Variants in NKAIN2 observed in about 807,000 individuals in gnomAD.
The protein encoded by NKAIN2 is sodium/potassium transporting ATPase interacting 2.
In NKAIN2, 14 loss-of-function variants were observed where a neutral mutation model predicts 32.6. The ratio of observed to expected loss-of-function variants is 0.43; its 90% CI spans 0.28 to 0.67. The LOEUF (loss-of-function observed/expected upper bound fraction) is 0.67. Ranked by LOEUF, NKAIN2 falls within the 30% of genes least tolerant of loss-of-function variation. The pLI is 0.17. For missense variants in NKAIN2, 198 were observed against 258.3 expected, an observed-to-expected ratio of 0.77 and a Z score of 1.60; for synonymous variants, 80 against 87.2, an observed-to-expected ratio of 0.92 and a Z score of 0.46.
chr6:123,872,953 A>G (rs547432614), intron 1 of NKAIN2, among the ~76,000 whole-genome samples: 10 of 152,302 alleles, frequency 6.6e-5, no homozygotes, highest in African/African-American at 2.2e-4. Flanking sequence ...AGAACACCCT[A>G]TTAAATTTTT....
chr6:124,374,658 T>C (rs1427441481), intron 3 of NKAIN2, among the ~76,000 whole-genome samples: 1 of 152,178 alleles, frequency 6.6e-6, no homozygotes, highest in South Asian at 2.1e-4. Flanking sequence ...ATGTTATCAG[T>C]AATTAAAATG....
At chr6:123,812,820 C>T (rs1773532645) in intron 1 of NKAIN2, among the ~76,000 whole-genome samples, 1 of 152,196 alleles carries the variant, frequency 6.6e-6, no homozygotes, top group Admixed American at 6.5e-5. Context: ...TTAAAACCCC[C>T]AACAATGTTG....
chr6:124,583,013 A>G (rs1321806384), intron 3 of NKAIN2, among the ~76,000 whole-genome samples: 1 of 152,180 alleles, frequency 6.6e-6, no homozygotes, highest in Non-Finnish European at 1.5e-5. Flanking sequence ...AGCTAGTATC[A>G]TACTGAATGG....
intron 1 of NKAIN2, among the ~76,000 whole-genome samples, chr6:123,890,876 A>G (rs539512592): frequency 3.9e-5 from 6 of 152,314 alleles, no homozygotes; most frequent in African/African-American, 9.6e-5. Context: ...ACAAATACCT[A>G]TATACCAATG....
intron 4 of NKAIN2, among the ~76,000 whole-genome samples, chr6:124,687,279 G>GAGAGAATATATATATTCTATATAT (rs1562324416): frequency 1.1e-4 from 15 of 135,530 alleles, no homozygotes; most frequent in Admixed American, 2.9e-4. Flanking sequence ...TATATATAGA[G>GAGAGAATATATATATTCTATATAT]AGAGAATATA....
chr6:124,241,731 A>G (rs933822314), intron 1 of NKAIN2, among the ~76,000 whole-genome samples: 2 of 152,170 alleles, frequency 1.3e-5, no homozygotes, highest in African/African-American at 2.4e-5. Context: ...TATAATTGAG[A>G]AAAGCTTTCT....
intron 3 of NKAIN2, among the ~76,000 whole-genome samples, chr6:124,622,794 T>C (rs1248434325): frequency 1.3e-5 from 2 of 152,124 alleles, no homozygotes; most frequent in African/African-American, 4.8e-5. Flanking sequence ...CTATCAGCAT[T>C]CAGATGTTTC....
At chr6:124,541,363 T>G (rs990861065) in intron 3 of NKAIN2, among the ~76,000 whole-genome samples, 1 of 152,120 alleles carries the variant, frequency 6.6e-6, no homozygotes, top group African/African-American at 2.4e-5. Context: ...AACTCCAGTT[T>G]CCCCATTCAT....
At chr6:124,514,414 T>C (rs1487107726) in intron 3 of NKAIN2, among the ~76,000 whole-genome samples, 1 of 152,104 alleles carries the variant, frequency 6.6e-6, no homozygotes, top group Non-Finnish European at 1.5e-5. Context: ...GACTCTTTCG[T>C]TTACAATTAA....
intron 1 of NKAIN2, among the ~76,000 whole-genome samples, chr6:124,197,979 C>T (rs777654022): frequency 9.9e-5 from 15 of 151,792 alleles, no homozygotes; most frequent in East Asian, 2.0e-4. Context: ...GGCCAGCTTT[C>T]GAAATCTGCC....
chr6:123,935,185 T>A lies in NKAIN2; in HGVS notation c.54+130931T>A, dbSNP rs557953510. 4.8e-4 allele frequency among the ~76,000 whole-genome samples: 71 copies of A among 147,834 alleles called. 1 individual carries two copies. The South Asian group carries it at 0.015, about 30-fold the overall frequency. On this transcript the variant is annotated intron_variant, in intron 1 of 6. Transcript: ENST00000368417. ...TATATTTAAAAATAAATATATTAAATAAATAAATATATTTATATATTTACT... is the reference window on the plus strand; with the variant it reads ...TATATTTAAAAATAAATATATTAAAAAAATAAATATATTTATATATTTACT...
intron 1 of NKAIN2, among the ~76,000 whole-genome samples, chr6:123,879,219 T>C (rs1389013278): frequency 6.6e-6 from 1 of 152,200 alleles, no homozygotes; most frequent in Admixed American, 6.5e-5. Flanking sequence ...CAAGATCAAA[T>C]GGAACTTGAT....
At chr6:123,969,183 C>G (rs1778224585) in intron 1 of NKAIN2, among the ~76,000 whole-genome samples, 1 of 152,200 alleles carries the variant, frequency 6.6e-6, no homozygotes, top group Non-Finnish European at 1.5e-5. Flanking sequence ...GCTCACTTTC[C>G]AGTGAGACTT....
At chr6:124,331,365 A>AC (rs1562494279) in intron 2 of NKAIN2, among the ~76,000 whole-genome samples, 1 of 141,824 alleles carries the variant, frequency 7.1e-6, no homozygotes, top group East Asian at 2.0e-4. Context: ...AAAAAAAAAA[A>AC]AAAAAAAAAA....
intron 3 of NKAIN2, among the ~76,000 whole-genome samples, chr6:124,639,258 A>G (rs185331720): frequency 3.0e-4 from 45 of 152,358 alleles, no homozygotes; most frequent in African/African-American, 1.0e-3. Flanking sequence ...TCAAAGAGAT[A>G]TCTGCACCCC....
intron 4 of NKAIN2, among the ~76,000 whole-genome samples, chr6:124,725,996 C>G (rs373439628): frequency 6.6e-6 from 1 of 152,166 alleles, no homozygotes; most frequent in Non-Finnish European, 1.5e-5. Context: ...TGCGCTTTTC[C>G]GACGGGCTTA....
At chr6:124,734,992 A>G (rs535911245) in intron 4 of NKAIN2, among the ~76,000 whole-genome samples, 2 of 152,034 alleles carry the variant, frequency 1.3e-5, no homozygotes, top group African/African-American at 4.8e-5. Context: ...TGCTCTAGAA[A>G]GGTTAAATGT....
intron 3 of NKAIN2, among the ~76,000 whole-genome samples, chr6:124,560,641 A>G (rs802691): frequency 0.85 from 129,867 of 152,178 alleles, 56,151 homozygotes; most frequent in East Asian, 1. Context: ...ATACTATAAG[A>G]ATTAAATGAG....
At chr6:124,519,482 C>T (rs955045354) in intron 3 of NKAIN2, among the ~76,000 whole-genome samples, 4 of 152,138 alleles carry the variant, frequency 2.6e-5, no homozygotes, top group African/African-American at 9.7e-5. Context: ...TGTGTACAAG[C>T]TATGAGTTAA....
Sources: gnomAD v4.1 joint callset for allele counts (sites outside exome capture counted in the v4.1 genomes callset) on GRCh38, gnomAD v4.1.1 for gene constraint, MANE v1.5 for transcripts, NCBI Gene and HGNC (gene_info 2026-07-23, HGNC 2026-07-21) for gene names.